The following PRKCB variants were observed in gnomAD, a reference collection of about 807,000 sequenced individuals.
PRKCB encodes protein kinase C beta type.
Under a neutral mutation model 81.5 loss-of-function variants are expected in PRKCB, and 13 were observed. The ratio of observed to expected loss-of-function variants is 0.16; its 90% CI spans 0.10 to 0.25. The LOEUF (loss-of-function observed/expected upper bound fraction) is 0.25. PRKCB is among the 10% of genes least tolerant of loss of function. The probability of loss-of-function intolerance (pLI) is 1.00; values close to 1 mark genes in which losing one functional copy is unlikely to be tolerated. For synonymous variants in PRKCB, 335 were observed against 321.4 expected, an observed-to-expected ratio of 1.04 and a Z score of -0.45; for missense variants, 509 against 875.7, an observed-to-expected ratio of 0.58 and a Z score of 5.29.
chr16:24,130,277 G>A (rs541637644), intron 9 of PRKCB, among the ~76,000 whole-genome samples: 12 of 152,138 alleles, frequency 7.9e-5, no homozygotes, highest in Admixed American at 7.9e-4. Context: ...AATCACACAG[G>A]CATGAAAGCA....
chr16:23,922,978 C>A (rs12933794), intron 2 of PRKCB, among the ~76,000 whole-genome samples: 5 of 151,756 alleles, frequency 3.3e-5, no homozygotes, highest in African/African-American at 4.8e-5. Context: ...TTAGAGTTAC[C>A]TTTTTTTCCT....
chr16:24,191,258 G>A (rs771464357), intron 16 of PRKCB, 28 bp downstream of exon 16: 44 of 1,612,640 alleles, frequency 2.7e-5, no homozygotes, highest in East Asian at 1.6e-4. Context: ...TCTGACTGCC[G>A]GGTATTCACA....
At chr16:23,969,086 C>T (rs889347069) in intron 2 of PRKCB, among the ~76,000 whole-genome samples, 1 of 152,144 alleles carries the variant, frequency 6.6e-6, no homozygotes, top group African/African-American at 2.4e-5. Context: ...AAGTGAATTG[C>T]TTGAACCTGG....
chr16:24,109,465 G>A (rs1264436050), intron 7 of PRKCB, among the ~76,000 whole-genome samples: 4 of 116,628 alleles, frequency 3.4e-5, no homozygotes, highest in South Asian at 2.8e-4. Context: ...TCACATCCCA[G>A]ACGGGGCGGC....
intron 5 of PRKCB, among the ~76,000 whole-genome samples, chr16:24,077,413 A>ATCCATCCG (rs1966192168): frequency 6.6e-6 from 1 of 151,212 alleles, no homozygotes; most frequent in African/African-American, 2.4e-5. Flanking sequence ...CCATCCATCC[A>ATCCATCCG]TCCATCCATC....
At chr16:24,017,262 T>C (rs1347048545) in intron 3 of PRKCB, among the ~76,000 whole-genome samples, 3 of 152,124 alleles carry the variant, frequency 2.0e-5, no homozygotes, top group African/African-American at 4.8e-5. Context: ...GCATTTCAAA[T>C]CAGCAGGGAA....
chr16:24,024,969 G>C (rs1437314811), intron 3 of PRKCB, among the ~76,000 whole-genome samples: 1 of 152,206 alleles, frequency 6.6e-6, no homozygotes, highest in African/African-American at 2.4e-5. Context: ...GACCTGGTTT[G>C]TCTGGTCTGA....
chr16:24,023,426 T>C (rs1965433511), intron 3 of PRKCB, among the ~76,000 whole-genome samples: 1 of 152,212 alleles, frequency 6.6e-6, no homozygotes, highest in African/African-American at 2.4e-5. Flanking sequence ...TGGAGTGCAG[T>C]GGCGGGATCT....
chr16:23,972,218 A>G (rs1031599057), intron 2 of PRKCB, among the ~76,000 whole-genome samples: 4 of 152,214 alleles, frequency 2.6e-5, no homozygotes, highest in African/African-American at 9.6e-5. Flanking sequence ...CCATTAATCT[A>G]TATAGTAACA....
intron 9 of PRKCB, among the ~76,000 whole-genome samples, chr16:24,146,341 A>T (rs1444843234): frequency 6.6e-6 from 1 of 152,168 alleles, no homozygotes; most frequent in African/African-American, 2.4e-5. Flanking sequence ...AATATTTATA[A>T]TTTGCCATGC....
chr16:24,083,871 C>G (rs1230249607), intron 5 of PRKCB, among the ~76,000 whole-genome samples: 3 of 151,578 alleles, frequency 2.0e-5, no homozygotes, highest in Admixed American at 6.6e-5. Context: ...ATGTTATAGG[C>G]AGAAAATAAG....
chr16:24,201,059 A>G (rs1353410302), intron 16 of PRKCB, among the ~76,000 whole-genome samples: 2 of 152,232 alleles, frequency 1.3e-5, no homozygotes, highest in East Asian at 1.9e-4. Flanking sequence ...CGGCACCTCC[A>G]TAGTCATCTT....
At chr16:24,135,750 T>G (rs1193098381) in intron 9 of PRKCB, among the ~76,000 whole-genome samples, 2 of 152,224 alleles carry the variant, frequency 1.3e-5, no homozygotes, top group Non-Finnish European at 2.9e-5. Flanking sequence ...TGTGGGAGTC[T>G]CTACTAATTT....
At chr16:23,909,252 A>G (rs1431665260) in intron 2 of PRKCB, among the ~76,000 whole-genome samples, 1 of 152,144 alleles carries the variant, frequency 6.6e-6, no homozygotes, top group East Asian at 1.9e-4. Flanking sequence ...GCTTTTTATC[A>G]GTTTTCTTCC....
At chr16:24,090,019 C>T (rs1009891143) in intron 5 of PRKCB, among the ~76,000 whole-genome samples, 3 of 152,114 alleles carry the variant, frequency 2.0e-5, no homozygotes, top group African/African-American at 4.8e-5. Flanking sequence ...TGGTAAGATG[C>T]GGACCCTGGG....
At chr16:23,961,934 G>A (rs752281394) in intron 2 of PRKCB, among the ~76,000 whole-genome samples, 2 of 152,152 alleles carry the variant, frequency 1.3e-5, no homozygotes, top group Non-Finnish European at 2.9e-5. Flanking sequence ...TTAGAGTTGA[G>A]CCCTACTCCA....
At chr16:23,892,150 G>A (rs111681180) in intron 2 of PRKCB, among the ~76,000 whole-genome samples, 1 of 152,150 alleles carries the variant, frequency 6.6e-6, no homozygotes, top group Non-Finnish European at 1.5e-5. Flanking sequence ...ACCTGTTACT[G>A]GGAGCCCTTG....
intron 10 of PRKCB, among the ~76,000 whole-genome samples, chr16:24,162,106 C>T (rs1567397275): frequency 6.6e-6 from 1 of 151,888 alleles, no homozygotes; most frequent in East Asian, 1.9e-4. Context: ...AATTTGCTGC[C>T]ATGGCCCAGC....
At chr16:24,031,988 A>G in intron 3 of PRKCB, 148 bp from the exon 4 acceptor site, 1 of 567,868 alleles carries the variant, frequency 1.8e-6, no homozygotes, top group South Asian at 2.3e-5. Context: ...TTCTGGGCAC[A>G]GGGCTCCAGC....
Sources: gnomAD v4.1 joint callset for allele counts (sites outside exome capture counted in the v4.1 genomes callset) on GRCh38, gnomAD v4.1.1 for gene constraint, MANE v1.5 for transcripts, NCBI Gene and HGNC (gene_info 2026-07-23, HGNC 2026-07-21) for gene names.